Variants in RNF38 observed in about 807,000 individuals in gnomAD.
The protein encoded by RNF38 is ring finger protein 38.
Under a neutral mutation model 67.2 loss-of-function variants are expected in RNF38, and 15 were observed. The ratio of observed to expected loss-of-function variants is 0.22; its 90% CI spans 0.15 to 0.34. The LOEUF (loss-of-function observed/expected upper bound fraction) is 0.34, where lower values mean the gene tolerates loss of function less well. RNF38 is among the 10% of genes least tolerant of loss of function. The probability of loss-of-function intolerance (pLI) is 1.00; values close to 1 mark genes in which losing one functional copy is unlikely to be tolerated. For synonymous variants in RNF38, 220 were observed against 218.8 expected, an observed-to-expected ratio of 1.01 and a Z score of -0.05; for missense variants, 524 against 639.9, an observed-to-expected ratio of 0.82 and a Z score of 1.95.
chr9:36,440,425 G>T (rs1402939493), intron 1 of RNF38, among the ~76,000 whole-genome samples: 1 of 152,050 alleles, frequency 6.6e-6, no homozygotes, highest in Non-Finnish European at 1.5e-5. Context: ...CAGCTACTAG[G>T]GAGGCTGAGG....
chr9:36,457,454 C>T (rs1839619999), intron 1 of RNF38, among the ~76,000 whole-genome samples: 1 of 152,186 alleles, frequency 6.6e-6, no homozygotes, highest in South Asian at 2.1e-4. Flanking sequence ...TCTGCTTACA[C>T]CATTAGATTC....
intron 2 of RNF38, among the ~76,000 whole-genome samples, chr9:36,384,637 T>G (rs562693727): frequency 1.3e-5 from 2 of 152,336 alleles, no homozygotes; most frequent in South Asian, 4.2e-4. Context: ...TGTTGGAATT[T>G]GCCGTTTGGT....
In RNF38 at chr9:36,357,683, C is replaced by T. The variant is rs188142526; in HGVS notation, c.738+92G>A. 1.9e-4 allele frequency: 185 copies of T among 991,538 alleles called. 1 individual carries two copies. The South Asian group carries it at 1.9e-3, about 10-fold the overall frequency. The allele number at this position is 991,538 out of a possible 1,614,324, so 61.4% of individuals were successfully genotyped here. Reference sequence around the variant, plus strand: ...TGCTTATATAATGCAGTTAGCCCCTCTAAAGAGGGTAAGAGTCGGGAAGTT... The same window carrying T: ...TGCTTATATAATGCAGTTAGCCCCTTTAAAGAGGGTAAGAGTCGGGAAGTT... On this transcript the variant is annotated intron_variant, in intron 5 of 11. Transcript: ENST00000259605.
intron 3 of RNF38, 122 bp from the exon 4 acceptor site, chr9:36,370,054 C>T: frequency 1.3e-6 from 1 of 761,986 alleles, no homozygotes; most frequent in Non-Finnish European, 2.0e-6. Context: ...TAAATAACTG[C>T]TAAAATTCCC....
chr9:36,476,171 C>A (rs1047339720), intron 1 of RNF38, among the ~76,000 whole-genome samples: 6 of 152,122 alleles, frequency 3.9e-5, no homozygotes, highest in Non-Finnish European at 8.8e-5. Flanking sequence ...GCCACCCAGG[C>A]TAGAGTGCAG....
intron 2 of RNF38, among the ~76,000 whole-genome samples, chr9:36,382,494 G>A (rs973179179): frequency 6.6e-6 from 1 of 152,174 alleles, no homozygotes; most frequent in Non-Finnish European, 1.5e-5. Flanking sequence ...CAAGTCAGAA[G>A]TCATTAAAGG....
rs1834238122 is a variant in RNF38, at chr9:36,357,761, A to C, written c.738+14T>G. 6.2e-7 allele frequency: 1 copy of C among 1,610,494 alleles called. No homozygotes were observed. The highest frequency in any genetic ancestry group is 1.1e-5 in the South Asian group (1 of 90,946). ...TAATAGTAATATCTAATGAGAACAA[A>C]GATAGAGACTTACTGGAGGAGGCAC... On this transcript the variant is annotated intron_variant, in intron 5 of 11. Transcript: ENST00000259605.
At position 36,420,532 on chromosome 9, in the gene RNF38, C is replaced by CAAAAAAAAAAAAAAAAAA. The variant is rs59641483; in HGVS notation, n.312+4080_312+4081insTTTTTTTTTTTTTTTTTT. 8.9e-4 allele frequency among the ~76,000 whole-genome samples: 65 copies of CAAAAAAAAAAAAAAAAAA among 73,338 alleles called. 4 individuals are homozygous for CAAAAAAAAAAAAAAAAAA. The highest frequency in any genetic ancestry group is 2.9e-3 in the South Asian group (5 of 1,754). 48.1% of individuals were successfully genotyped at this position (73,338 alleles called of 152,430 possible). A position where few individuals can be genotyped will look rare whatever the true frequency, so the allele number is the denominator to read the frequency against. On this transcript the variant is annotated intron_variant and non_coding_transcript_variant, in intron 2 of 3. Coordinates refer to the RNF38 transcript ENST00000488058. ...GGGCAACAGAGCAAGACTCTGTCTC[C>CAAAAAAAAAAAAAAAAAA]AAAAAAAAAAAAAAAGAGGACAACC...
chr9:36,359,877 T>G (rs1468466454), intron 4 of RNF38, among the ~76,000 whole-genome samples: 1 of 151,716 alleles, frequency 6.6e-6, no homozygotes, highest in Non-Finnish European at 1.5e-5. Flanking sequence ...CCGCCCCGAG[T>G]AGCTGGGACT....
chr9:36,397,516 T>C (rs1372258637), intron 1 of RNF38, among the ~76,000 whole-genome samples: 1 of 152,144 alleles, frequency 6.6e-6, no homozygotes, highest in African/African-American at 2.4e-5. Flanking sequence ...CGGACAATCA[T>C]TTCTAAACAG....
intron 10 of RNF38, among the ~76,000 whole-genome samples, chr9:36,343,456 G>C (rs991908294): frequency 6.6e-6 from 1 of 152,018 alleles, no homozygotes; most frequent in Non-Finnish European, 1.5e-5. Flanking sequence ...GATCAGAATA[G>C]ACATTTCTGG....
At chr9:36,397,845 A>C (rs988635472) in intron 1 of RNF38, among the ~76,000 whole-genome samples, 1 of 152,210 alleles carries the variant, frequency 6.6e-6, no homozygotes, top group African/African-American at 2.4e-5. Flanking sequence ...CCCTCAAAGA[A>C]GTATGTCTAA....
At chr9:36,426,832 A>G (rs537117812) in intron 1 of RNF38, among the ~76,000 whole-genome samples, 26 of 152,352 alleles carry the variant, frequency 1.7e-4, no homozygotes, top group African/African-American at 6.3e-4. Context: ...CACTTAACAA[A>G]TCATATGCCT....
chr9:36,456,240 T>C (rs943881408), intron 1 of RNF38, among the ~76,000 whole-genome samples: 2 of 152,286 alleles, frequency 1.3e-5, no homozygotes, highest in African/African-American at 2.4e-5. Context: ...GTATTTTTAG[T>C]AGAAACGGGT....
intron 1 of RNF38, among the ~76,000 whole-genome samples, chr9:36,469,902 T>C (rs1668788884): frequency 6.6e-6 from 1 of 152,060 alleles, no homozygotes; most frequent in African/African-American, 2.4e-5. Flanking sequence ...CACTGGAGCC[T>C]GGGGAGATCG....
chr9:36,476,359 G>A (rs1356154115), intron 1 of RNF38, among the ~76,000 whole-genome samples: 1 of 151,640 alleles, frequency 6.6e-6, no homozygotes, highest in South Asian at 2.1e-4. Context: ...TGATCCGCCC[G>A]CCTCAGCCTC....
At chr9:36,456,726 C>CAA (rs978522230) in intron 1 of RNF38, among the ~76,000 whole-genome samples, 1 of 152,048 alleles carries the variant, frequency 6.6e-6, no homozygotes, top group African/African-American at 2.4e-5. Flanking sequence ...CTAGCTAGCA[C>CAA]AAATACCCGT....
chr9:36,358,299 A>C (rs2133592303), intron 4 of RNF38, among the ~76,000 whole-genome samples: 1 of 152,350 alleles, frequency 6.6e-6, no homozygotes, highest in South Asian at 2.1e-4. Context: ...ATTCAAAACA[A>C]ATTTTAATTA....
At chr9:36,484,856 G>C (rs561224075) in intron 1 of RNF38, among the ~76,000 whole-genome samples, 2 of 152,298 alleles carry the variant, frequency 1.3e-5, no homozygotes, top group South Asian at 4.1e-4. Flanking sequence ...ATATTCAACT[G>C]TATGGGTCTA....
Sources: gnomAD v4.1 joint callset for allele counts (sites outside exome capture counted in the v4.1 genomes callset) on GRCh38, gnomAD v4.1.1 for gene constraint, MANE v1.5 for transcripts, NCBI Gene and HGNC (gene_info 2026-07-23, HGNC 2026-07-21) for gene names.